The following CD300A variants were observed in gnomAD, a reference collection of about 807,000 sequenced individuals.
CD300A encodes CD300a molecule, also known as CMRF35-like molecule 8.
Under a neutral mutation model 33.6 loss-of-function variants are expected in CD300A, and 22 were observed. The observed-to-expected ratio is 0.66, with a 90% confidence interval of 0.47 to 0.94. CD300A has a LOEUF of 0.94. Among genes scored for constraint, CD300A ranks in the 40% least tolerant of loss-of-function variants. CD300A has a pLI of 0.00. For missense variants in CD300A, 326 were observed against 360.5 expected, an observed-to-expected ratio of 0.90 and a Z score of 0.77; for synonymous variants, 136 against 148.1, an observed-to-expected ratio of 0.92 and a Z score of 0.59.
rs765435810 is a variant in CD300A, at chr17:74,466,757, T to A, written c.40+14T>A. On this transcript the variant is annotated intron_variant, in intron 1 of 6. Coordinates refer to ENST00000360141, the MANE Select transcript of CD300A (RefSeq NM_007261.4). ...TCTGGGTCCCAGGTGAGAGTTTCCC[T>A]TCCCGGGAAAGTCTGCGGCAGGGAG... 35 of 1,583,470 alleles carry A rather than the reference T, an allele frequency of 2.2e-5. No individual in the cohort carries two copies. Among genetic ancestry groups the A allele is most frequent in the Non-Finnish European group, 2.7e-5 (32 of 1,164,238 alleles).
intron 1 of CD300A, among the ~76,000 whole-genome samples, chr17:74,470,899 A>C (rs928270760): frequency 6.6e-6 from 1 of 151,222 alleles, no homozygotes; most frequent in African/African-American, 2.4e-5. Context: ...CAATCCTCCC[A>C]CTTTGGCCTC....
At chr17:74,474,407 A>G in intron 2 of CD300A, 125 bp from the exon 3 acceptor site, 3 of 931,728 alleles carry the variant, frequency 3.2e-6, no homozygotes, top group Admixed American at 2.0e-5. Context: ...CTCTAGCCCC[A>G]GGGTCCTGCA....
chr17:74,473,922 G>A, intron 2 of CD300A, 48 bp downstream of exon 2: 3 of 1,577,126 alleles, frequency 1.9e-6, no homozygotes, highest in Non-Finnish European at 2.6e-6. Flanking sequence ...GGTTGGAATT[G>A]TTGGGGCAGG....
At chr17:74,477,006 G>A (rs568492359) in intron 3 of CD300A, among the ~76,000 whole-genome samples, 62 of 152,142 alleles carry the variant, frequency 4.1e-4, no homozygotes, top group African/African-American at 1.3e-3. Context: ...TGTAAATGGG[G>A]GGTGTGTAGA....
At chr17:74,466,889 T>C in intron 1 of CD300A, 146 bp downstream of exon 1, 1 of 1,495,468 alleles carries the variant, frequency 6.7e-7, no homozygotes, top group Non-Finnish European at 8.9e-7. Flanking sequence ...CCACATAAGA[T>C]GGACAGATGA....
At chr17:74,471,284 C>T (rs1184976432) in intron 1 of CD300A, among the ~76,000 whole-genome samples, 2 of 152,108 alleles carry the variant, frequency 1.3e-5, no homozygotes, top group Non-Finnish European at 2.9e-5. Context: ...CTTGACTCTT[C>T]ATTCTTTCTT....
intron 4 of CD300A, among the ~76,000 whole-genome samples, chr17:74,478,860 A>G (rs1183938249): frequency 6.6e-6 from 1 of 152,180 alleles, no homozygotes; most frequent in African/African-American, 2.4e-5. Flanking sequence ...AGATCTGTGC[A>G]GGGTGTATGG....
chr17:74,469,900 A>T (rs1905981922), intron 1 of CD300A: 1 of 919,846 alleles, frequency 1.1e-6, no homozygotes, highest in Non-Finnish European at 1.3e-6. Context: ...TACTAACTCC[A>T]CTGTTTTTCT....
intron 3 of CD300A, among the ~76,000 whole-genome samples, chr17:74,476,191 AG>A (rs756161856): frequency 1.9e-4 from 29 of 152,278 alleles, no homozygotes; most frequent in Non-Finnish European, 3.1e-4. Context: ...CTAATTACGT[AG>A]TTGGTCTTTC....
intron 3 of CD300A, among the ~76,000 whole-genome samples, chr17:74,476,507 G>A (rs772256399): frequency 1.5e-4 from 23 of 152,166 alleles, no homozygotes; most frequent in Non-Finnish European, 2.5e-4. Context: ...TGCAGTTTGC[G>A]GGGTGGGTTG....
At chr17:74,470,151 T>A (rs1465539522) in intron 1 of CD300A, 1 of 985,138 alleles carries the variant, frequency 1.0e-6, no homozygotes, top group South Asian at 4.7e-5. Flanking sequence ...CTGTTTATGA[T>A]TAGAGGGGTT....
In CD300A at chr17:74,481,925, G is replaced by A. The variant is rs1446377127; in HGVS notation, c.774+92G>A. ...TGGGCAGAAGGGGAAGGAAGGGGTCGGCTTGGTGATCTTGTGCCTGTCAGG... is the reference window on the plus strand; with the variant it reads ...TGGGCAGAAGGGGAAGGAAGGGGTCAGCTTGGTGATCTTGTGCCTGTCAGG... On this transcript the variant is annotated intron_variant, in intron 6 of 6. Coordinates refer to ENST00000360141, the MANE Select transcript of CD300A (RefSeq NM_007261.4). The A allele has an allele frequency of 2.2e-5, 20 of 901,470 alleles. No individual in the cohort carries two copies. Among genetic ancestry groups the A allele is most frequent in the East Asian group, 2.7e-5 (1 of 37,574 alleles). The allele number at this position is 901,470 out of a possible 1,614,324, so 55.8% of individuals were successfully genotyped here. A position where few individuals can be genotyped will look rare whatever the true frequency, so the allele number is the denominator to read the frequency against.
chr17:74,483,983 C>G lies in CD300A; in HGVS notation c.775-18C>G. ...CTTGCCTCTCCCAAGTCTTCAGTTT[C>G]TTGGTTTCTCTCTGCAGGCCTCCCC... On this transcript the variant is annotated intron_variant, in intron 6 of 6. Coordinates refer to ENST00000360141, the MANE Select transcript of CD300A (RefSeq NM_007261.4). The G allele has an allele frequency of 6.2e-7, 1 of 1,612,840 alleles. No homozygotes were observed. Among genetic ancestry groups the G allele is most frequent in the Admixed American group, 1.7e-5 (1 of 59,926 alleles).
At chr17:74,481,637 C>T in intron 5 of CD300A, 89 bp from the exon 6 acceptor site, 1 of 921,522 alleles carries the variant, frequency 1.1e-6, no homozygotes, top group Non-Finnish European at 1.7e-6. Flanking sequence ...GTGCTCAGAG[C>T]ATAGAGGAAG....
At chr17:74,466,606 GA>G (rs1247327495), upstream of CD300A, 9 of 1,364,862 alleles carry the variant, frequency 6.6e-6, no homozygotes, top group Non-Finnish European at 9.1e-6. Context: ...GCGGCACCAA[GA>G]AAAGCAGAAG....
At chr17:74,466,393 A>C (rs1284777954), upstream of CD300A, 1 of 335,132 alleles carries the variant, frequency 3.0e-6, no homozygotes, top group Non-Finnish European at 5.5e-6. Flanking sequence ...CGGGGAAGTG[A>C]GAGTCGGGGA....
intron 2 of CD300A, 33 bp downstream of exon 2, chr17:74,473,907 G>T: frequency 6.3e-7 from 1 of 1,591,990 alleles, no homozygotes; most frequent in South Asian, 1.1e-5. Flanking sequence ...GCCTAAATAG[G>T]CTCAGGTTGG....
chr17:74,473,905 A>G (rs1906282719), intron 2 of CD300A, 31 bp downstream of exon 2: 3 of 1,595,984 alleles, frequency 1.9e-6, no homozygotes, highest in Non-Finnish European at 2.6e-6. Context: ...GCGCCTAAAT[A>G]GGCTCAGGTT....
At chr17:74,470,200 AAC>A (rs1360450663) in intron 1 of CD300A, 13 of 985,304 alleles carry the variant, frequency 1.3e-5, no homozygotes, top group Middle Eastern at 5.2e-4. Flanking sequence ...AAAGCGCAGA[AAC>A]ACAAGCCTGG....
Sources: allele counts gnomAD v4.1 joint callset (sites outside exome capture counted in the v4.1 genomes callset), GRCh38; gene constraint gnomAD v4.1.1; transcripts MANE v1.5; gene names NCBI Gene and HGNC (gene_info 2026-07-23, HGNC 2026-07-21).